Variants in DCC observed in about 807,000 individuals in gnomAD.
DCC encodes DCC netrin 1 receptor, also known as netrin receptor DCC.
A neutral mutation model predicts 172.5 loss-of-function variants in DCC; 58 were observed. The ratio of observed to expected loss-of-function variants is 0.34; its 90% CI spans 0.27 to 0.42. The LOEUF is 0.42. DCC is among the 10% of genes least tolerant of loss of function. The pLI, the probability that DCC is intolerant of heterozygous loss-of-function variation, is 1.00. For synonymous variants in DCC, 709 were observed against 644.5 expected (o/e 1.10, Z -1.52); for missense variants, 1,740 against 1,791.0 (o/e 0.97, Z 0.51).
intron 12 of DCC, among the ~76,000 whole-genome samples, chr18:53,278,677 T>A (rs1192695852): frequency 6.6e-6 from 1 of 152,180 alleles, no homozygotes; most frequent in African/African-American, 2.4e-5. Context: ...TTCTTTCAGT[T>A]GAGAATTCAA....
chr18:52,359,809 A>C (rs896722155), intron 1 of DCC, among the ~76,000 whole-genome samples: 2 of 152,216 alleles, frequency 1.3e-5, no homozygotes, highest in Non-Finnish European at 2.9e-5. Context: ...AAACTGCTGT[A>C]TGTTCCCATA....
intron 9 of DCC, among the ~76,000 whole-genome samples, chr18:53,199,134 G>A (rs775441579): frequency 2.7e-5 from 4 of 150,226 alleles, no homozygotes; most frequent in East Asian, 2.0e-4. Context: ...GGAGTGCAGC[G>A]GCACAATCTT....
intron 12 of DCC, among the ~76,000 whole-genome samples, chr18:53,236,445 G>C (rs2056203876): frequency 6.6e-6 from 1 of 151,950 alleles, no homozygotes; most frequent in African/African-American, 2.4e-5. Flanking sequence ...ACACATTTTA[G>C]GAAAACATTT....
intron 5 of DCC, chr18:52,931,814 A>G (rs1207294495): frequency 6.6e-6 from 1 of 152,108 alleles, no homozygotes; most frequent in Non-Finnish European, 1.5e-5. Context: ...ATTGGTGGAC[A>G]CCTTTTGGGT....
chr18:53,380,607 G>A (rs193071011), intron 15 of DCC, among the ~76,000 whole-genome samples: 34 of 152,258 alleles, frequency 2.2e-4, no homozygotes, highest in Middle Eastern at 3.4e-3. Flanking sequence ...AGCAGTTAAA[G>A]TGTGAAAAGC....
At chr18:53,311,898 G>A (rs561985446) in intron 13 of DCC, among the ~76,000 whole-genome samples, 111 of 152,198 alleles carry the variant, frequency 7.3e-4, no homozygotes, top group Admixed American at 2.2e-3. Context: ...CTCTTAAACT[G>A]TAAATAATGT....
intron 1 of DCC, among the ~76,000 whole-genome samples, chr18:52,744,810 A>G (rs992601299): frequency 1.3e-5 from 2 of 152,246 alleles, no homozygotes; most frequent in African/African-American, 2.4e-5. Context: ...ACTAAGGGGC[A>G]GATCAGCCTG....
At chr18:52,648,650 G>T (rs1469072397) in intron 1 of DCC, among the ~76,000 whole-genome samples, 2 of 152,180 alleles carry the variant, frequency 1.3e-5, no homozygotes, top group Non-Finnish European at 2.9e-5. Flanking sequence ...ACATGCACTT[G>T]AGACTAGATT....
intron 12 of DCC, among the ~76,000 whole-genome samples, chr18:53,229,814 T>A (rs2056094883): frequency 6.6e-6 from 1 of 152,112 alleles, no homozygotes; most frequent in Admixed American, 6.6e-5. Flanking sequence ...TTAATTATAT[T>A]GTGGCTGTGA....
intron 5 of DCC, among the ~76,000 whole-genome samples, chr18:52,986,435 T>C (rs574218653): frequency 6.6e-6 from 1 of 152,266 alleles, no homozygotes; most frequent in East Asian, 1.9e-4. Context: ...CTCTGAGTCT[T>C]AGTCATAAAG....
chr18:53,312,153 C>CAAAAAAAAAA (rs895203731), intron 13 of DCC, among the ~76,000 whole-genome samples: 9 of 26,612 alleles, frequency 3.4e-4, no homozygotes, highest in Non-Finnish European at 4.1e-4. Flanking sequence ...GCTAAAAATA[C>CAAAAAAAAAA]AAAAAAAAAA....
chr18:53,002,606 CT>C (rs575217899), intron 5 of DCC, among the ~76,000 whole-genome samples: 259 of 151,986 alleles, frequency 1.7e-3, no homozygotes, highest in Non-Finnish European at 3.0e-3. Context: ...TGCATCATTC[CT>C]TTTTTTTCCT....
intron 5 of DCC, among the ~76,000 whole-genome samples, chr18:53,048,384 T>G (rs2042287439): frequency 6.6e-6 from 1 of 151,804 alleles, no homozygotes; most frequent in African/African-American, 2.4e-5. Context: ...GTATTTGGTT[T>G]TCTGTTTCTG....
intron 1 of DCC, among the ~76,000 whole-genome samples, chr18:52,549,996 G>A (rs1220000180): frequency 6.6e-6 from 1 of 151,946 alleles, no homozygotes; most frequent in Non-Finnish European, 1.5e-5. Context: ...ACCAAAAAAA[G>A]TAACTTTATA....
chr18:53,289,313 A>C (rs1006549470), intron 12 of DCC, among the ~76,000 whole-genome samples: 2 of 152,168 alleles, frequency 1.3e-5, no homozygotes, highest in East Asian at 3.9e-4. Flanking sequence ...AGACAGCAAT[A>C]GTAAGCAAAG....
intron 5 of DCC, among the ~76,000 whole-genome samples, chr18:53,041,876 C>T (rs777843397): frequency 1.4e-4 from 22 of 151,900 alleles, no homozygotes; most frequent in African/African-American, 4.6e-4. Flanking sequence ...GAGACTTTCC[C>T]GAAGTTGCTT....
intron 2 of DCC, among the ~76,000 whole-genome samples, chr18:52,866,925 G>T (rs981248365): frequency 6.6e-6 from 1 of 152,162 alleles, no homozygotes; most frequent in African/African-American, 2.4e-5. Flanking sequence ...TGTTGAATAA[G>T]AGTCGTGAGA....
intron 9 of DCC, among the ~76,000 whole-genome samples, chr18:53,190,458 CTGTGTGTGTGTGTGTGTGTGT>C (rs1231237230): frequency 0.029 from 4,176 of 146,370 alleles, 59 homozygotes; most frequent in Admixed American, 0.047. Flanking sequence ...ACTGCTAACT[CTGTGTGTGTGTGTGTGTGTGT>C]GTGTGTGTGT....
chr18:53,423,628 C>G (rs1242035940), intron 21 of DCC, among the ~76,000 whole-genome samples: 1 of 152,122 alleles, frequency 6.6e-6, no homozygotes, highest in Non-Finnish European at 1.5e-5. Flanking sequence ...TTCAAGAATC[C>G]TTTCTTACCT....
Sources: allele counts gnomAD v4.1 joint callset (sites outside exome capture counted in the v4.1 genomes callset), GRCh38; gene constraint gnomAD v4.1.1; transcripts MANE v1.5; gene names NCBI Gene and HGNC (gene_info 2026-07-23, HGNC 2026-07-21).